THRB: variants seen among roughly 807,000 people sequenced by gnomAD.
THRB encodes nuclear receptor subfamily 1 group A member 2.
THRB carries 12 observed loss-of-function variants against 47.8 expected under a neutral mutation model. That is an observed-to-expected ratio of 0.25 (90% CI 0.16 to 0.41). The LOEUF (loss-of-function observed/expected upper bound fraction) is 0.41, where lower values mean the gene tolerates loss of function less well. Among genes scored for constraint, THRB ranks in the 10% least tolerant of loss-of-function variants. The pLI is 1.00. For synonymous variants in THRB, 218 were observed against 212.2 expected (o/e 1.03, Z -0.24); for missense variants, 348 against 589.2 (o/e 0.59, Z 4.24).
intron 1 of THRB, among the ~76,000 whole-genome samples, chr3:24,369,182 A>C (rs2064722429): frequency 6.6e-6 from 1 of 152,136 alleles, no homozygotes; most frequent in South Asian, 2.1e-4. Context: ...GGAAGACATA[A>C]ATAAATGCCA....
chr3:24,325,809 T>A (rs2058768285), intron 2 of THRB, among the ~76,000 whole-genome samples: 1 of 152,202 alleles, frequency 6.6e-6, no homozygotes, highest in South Asian at 2.1e-4. Context: ...GCCAAATGTT[T>A]GAGGTAGAAA....
At chr3:24,432,958 C>T (rs1179472597) in intron 1 of THRB, among the ~76,000 whole-genome samples, 7 of 151,472 alleles carry the variant, frequency 4.6e-5, no homozygotes, top group East Asian at 1.9e-4. Context: ...TAATTCAGAC[C>T]GCAGGCTTAG....
intron 4 of THRB, among the ~76,000 whole-genome samples, chr3:24,225,410 C>A (rs1427913516): frequency 6.6e-6 from 1 of 152,192 alleles, no homozygotes; most frequent in Non-Finnish European, 1.5e-5. Flanking sequence ...AAGTTAATAA[C>A]TGAATGGGGA....
At chr3:24,379,974 G>T (rs1167853813) in intron 1 of THRB, among the ~76,000 whole-genome samples, 1 of 150,416 alleles carries the variant, frequency 6.6e-6, no homozygotes, top group Non-Finnish European at 1.5e-5. Context: ...TTCCTTTTTG[G>T]TATTCTGGCA....
chr3:24,195,219 A>G (rs923073087), intron 4 of THRB, among the ~76,000 whole-genome samples: 1 of 152,158 alleles, frequency 6.6e-6, no homozygotes, highest in African/African-American at 2.4e-5. Flanking sequence ...AGCATTTACT[A>G]TGAGCCAGGA....
intron 4 of THRB, among the ~76,000 whole-genome samples, chr3:24,195,509 G>T (rs1388018262): frequency 6.6e-6 from 1 of 152,052 alleles, no homozygotes; most frequent in African/African-American, 2.4e-5. Flanking sequence ...CCTTGCTTTT[G>T]CTCTCAGCCA....
chr3:24,158,129 T>G (rs780697476), intron 5 of THRB, among the ~76,000 whole-genome samples: 4 of 152,142 alleles, frequency 2.6e-5, no homozygotes, highest in Non-Finnish European at 5.9e-5. Context: ...ACTAGGAAAT[T>G]TCATAAAACA....
chr3:24,259,620 CTT>C (rs10671187), intron 3 of THRB, among the ~76,000 whole-genome samples: 111 of 98,252 alleles, frequency 1.1e-3, no homozygotes, highest in African/African-American at 4.1e-3. Flanking sequence ...CTCTGCTTAC[CTT>C]TTTTTTTTTT....
rs556162599 is a variant in THRB at position 24,347,417 on chromosome 3, TACAGAGAACAGAGTTACTGTA to T, written c.-260-10067_-260-10047del. Among the ~76,000 whole-genome samples, 1,227 of 151,852 alleles carry T rather than the reference TACAGAGAACAGAGTTACTGTA, an allele frequency of 8.1e-3. 17 individuals carry two copies. The highest frequency in any genetic ancestry group is 0.028 in the African/African-American group (1,165 of 41,466). On this transcript the variant is annotated intron_variant, in intron 1 of 10. Coordinates refer to ENST00000646209, the MANE Select transcript of THRB (RefSeq NM_001354712.2). ...AATAACAAAGGTCAGAAATTAGTAA[TACAGAGAACAGAGTTACTGTA>T]ACAGAGAAAATCAATCAAGCCAAAA...
chr3:24,350,400 G>T (rs928676030), intron 1 of THRB, among the ~76,000 whole-genome samples: 1 of 152,068 alleles, frequency 6.6e-6, no homozygotes, highest in African/African-American at 2.4e-5. Flanking sequence ...GTACAAAAAT[G>T]TCCATAGCTG....
At position 24,120,314 on chromosome 3, in the gene THRB, A is replaced by T. The variant is rs1042026230; in HGVS notation, c.*2570T>A. 3.9e-5 allele frequency: 6 copies of T among 152,228 alleles called. No homozygotes were observed. The highest frequency in any genetic ancestry group is 1.4e-4 in the African/African-American group (6 of 41,452). 9.4% of individuals were successfully genotyped at this position (152,228 alleles called of 1,614,324 possible). On this transcript the variant is annotated 3_prime_UTR_variant, in exon 11 of 11. Transcript: ENST00000646209. ...GTTTGCCTATTGAAGGCAATCAATC[A>T]TTTAAGGTGCCAAGGATCAAACGTT...
At chr3:24,364,803 A>G (rs980249217) in intron 1 of THRB, among the ~76,000 whole-genome samples, 1 of 152,330 alleles carries the variant, frequency 6.6e-6, no homozygotes, top group East Asian at 1.9e-4. Context: ...AACTGAGAAC[A>G]ATAGGTTTTG....
At chr3:24,359,246 C>G (rs1332203238) in intron 1 of THRB, among the ~76,000 whole-genome samples, 1 of 152,126 alleles carries the variant, frequency 6.6e-6, no homozygotes, top group Admixed American at 6.6e-5. Flanking sequence ...CACCCACTTG[C>G]ATGACACCTG....
intron 1 of THRB, among the ~76,000 whole-genome samples, chr3:24,424,217 G>T (rs764857510): frequency 6.6e-6 from 1 of 151,714 alleles, no homozygotes; most frequent in Non-Finnish European, 1.5e-5. Flanking sequence ...CCTTCCAGAG[G>T]TTTCAGTTAA....
chr3:24,196,602 A>T (rs1341863326), intron 4 of THRB, among the ~76,000 whole-genome samples: 1 of 152,112 alleles, frequency 6.6e-6, no homozygotes, highest in African/African-American at 2.4e-5. Context: ...CCACCCCAAA[A>T]AAAAGAATTT....
intron 8 of THRB, among the ~76,000 whole-genome samples, chr3:24,140,291 T>C (rs1289838080): frequency 6.6e-6 from 1 of 152,230 alleles, no homozygotes; most frequent in Non-Finnish European, 1.5e-5. Flanking sequence ...TGGTTATTTA[T>C]TGCTGTATAA....
At chr3:24,230,121 G>C (rs969219313) in intron 3 of THRB, among the ~76,000 whole-genome samples, 7 of 152,198 alleles carry the variant, frequency 4.6e-5, no homozygotes, top group Admixed American at 1.3e-4. Flanking sequence ...GAACGAGGCA[G>C]AGGAAGTGTG....
chr3:24,120,924 C>T lies in THRB; in HGVS notation c.*1960G>A, dbSNP rs1440318270. 9 of 152,214 alleles carry T rather than the reference C, an allele frequency of 5.9e-5. No homozygotes were observed. The South Asian group carries it at 6.2e-4, about 11-fold the overall frequency. The allele number at this position is 152,214 out of a possible 1,614,324, so 9.4% of individuals were successfully genotyped here. On this transcript the variant is annotated 3_prime_UTR_variant, in exon 11 of 11. Transcript: ENST00000646209. ...TTCATGCATTGAATATTTAATTCCCCGCTCCCAGATAATTTCCAATCATAC... is the reference window on the plus strand; with the variant it reads ...TTCATGCATTGAATATTTAATTCCCTGCTCCCAGATAATTTCCAATCATAC...
chr3:24,262,174 A>T (rs549387503), intron 3 of THRB, among the ~76,000 whole-genome samples: 2 of 152,318 alleles, frequency 1.3e-5, no homozygotes, highest in South Asian at 4.1e-4. Flanking sequence ...AACTTGTTCC[A>T]TCCTCTGTCT....
Sources: allele counts gnomAD v4.1 joint callset (sites outside exome capture counted in the v4.1 genomes callset), GRCh38; gene constraint gnomAD v4.1.1; transcripts MANE v1.5; gene names NCBI Gene and HGNC (gene_info 2026-07-23, HGNC 2026-07-21).